The following KLC4 variants were observed in gnomAD, a reference collection of about 807,000 sequenced individuals.
The protein encoded by KLC4 is kinesin light chain 4.
In KLC4, 49 loss-of-function variants were observed where a neutral mutation model predicts 77.2. The ratio of observed to expected loss-of-function variants is 0.63; its 90% CI spans 0.50 to 0.80. KLC4 has a LOEUF of 0.80. Ranked by LOEUF, KLC4 falls within the 30% of genes least tolerant of loss-of-function variation. KLC4 has a pLI of 0.00. For synonymous variants in KLC4, 274 were observed against 314.5 expected (o/e 0.87, Z 1.36); for missense variants, 669 against 793.5 (o/e 0.84, Z 1.89).
At position 43,072,960 on chromosome 6, in the gene KLC4, C is replaced by A. The variant is rs1336975672; in HGVS notation, c.1625C>A (p.Ser542Tyr). 2.5e-6 allele frequency: 4 copies of A among 1,596,860 alleles called. No homozygotes were observed. The highest frequency in any genetic ancestry group is 1.1e-5 in the South Asian group (1 of 87,740). ...GATGCTTCTGTGGCTGTGGAGTGGT[C>A]CGGGGTAAGTCTGATCATTGCCTTT... Reference protein sequence around the residue: ...GEDASVAVEWSGDGSGTLQRS... With the variant: ...GEDASVAVEWYGDGSGTLQRS... Residue 542 changes from serine (S) to tyrosine (Y), a missense_variant, in exon 13 of 16, where the codon TCC becomes TAC. Transcript: ENST00000347162.
At chr6:43,068,219 A>G (rs1489906014) in intron 6 of KLC4, among the ~76,000 whole-genome samples, 2 of 151,970 alleles carry the variant, frequency 1.3e-5, no homozygotes, top group East Asian at 1.9e-4. Context: ...CATGCCTGTA[A>G]TCCCAGCACT....
intron 1 of KLC4, chr6:43,061,027 CT>C (rs1415664888): frequency 5.1e-6 from 2 of 388,358 alleles, no homozygotes; most frequent in African/African-American, 2.0e-5. Context: ...CTTTTTTGTT[CT>C]TTTCCTAAGT....
Position 43,062,982 on chromosome 6 carries a change from G to A in KLC4, c.324G>A (p.Gln108=), listed in dbSNP as rs149265494. 59 of 1,614,058 alleles carry A rather than the reference G, an allele frequency of 3.7e-5. No homozygotes were observed. The highest frequency in any genetic ancestry group is 3.3e-4 in the Middle Eastern group (2 of 6,084). The part of the protein sequence containing the change: ...VESEKQKLRA[Q]VRRLCQENQW... ...CGGAGAAACAGAAGCTGCGGGCTCA[G>A]GTGCGGCGGCTATGCCAGGAGAACC... is the stretch of plus-strand genomic sequence containing the variant. The change falls in exon 3 of 16, where the codon CAG becomes CAA. Residue 108 remains glutamine (Q), a synonymous_variant. Coordinates refer to ENST00000347162, the MANE Select transcript of KLC4 (RefSeq NM_201521.3).
At chr6:43,059,972 G>A (rs1161082362) in intron 1 of KLC4, 7 of 1,338,188 alleles carry the variant, frequency 5.2e-6, no homozygotes, top group Non-Finnish European at 6.7e-6. Flanking sequence ...CCTCCCCCCT[G>A]CCGCCCCCGC....
rs1299111864 is a variant in KLC4, at chr6:43,062,931, A to G, written c.273A>G (p.Leu91=). The change falls in exon 3 of 16, where the codon CTA becomes CTG. Residue 91 remains leucine (L), a synonymous_variant. Transcript: ENST00000347162. ...TGCCCACCTAGGTGATGCTGGCTCT[A>G]GCCAGCCACCTGAGCACAGTGGAGT... ...GLSEAQVMLA[L]ASHLSTVESE... The G allele has an allele frequency of 1.2e-6, 2 of 1,613,930 alleles. No homozygotes were observed. The highest frequency in any genetic ancestry group is 1.7e-6 in the Non-Finnish European group (2 of 1,179,956).
chr6:43,063,237 C>T, intron 3 of KLC4, 90 bp downstream of exon 3: 1 of 984,778 alleles, frequency 1.0e-6, no homozygotes. Context: ...CCTCAGGGTC[C>T]ATCAGCTCTA....
In KLC4 at chr6:43,072,239, TG is replaced by T; in HGVS notation, c.1473del (p.Arg492GlyfsTer36). On this transcript the variant is annotated frameshift_variant, in exon 12 of 16. Transcript: ENST00000347162. LOFTEE classifies it high-confidence loss of function. ...GCTGAGACCCTGGAGGAATGTGCCC[TG>T]CGGTCCCGGAGACAGGTCAGAAGCC... ...EAAETLEECA[L>X]RSRRQGTDPI... The T allele has an allele frequency of 6.2e-7, 1 of 1,613,848 alleles. No individual in the cohort carries two copies.
chr6:43,065,363 C>G, intron 3 of KLC4: 1 of 389,418 alleles, frequency 2.6e-6, no homozygotes, highest in Non-Finnish European at 4.8e-6. Flanking sequence ...CGTTAGCCAC[C>G]ACACCCGGCC....
chr6:43,067,184 T>C (rs1765479425), intron 6 of KLC4, 101 bp downstream of exon 6: 1 of 1,401,368 alleles, frequency 7.1e-7, no homozygotes, highest in Non-Finnish European at 9.5e-7. Context: ...GTCCACTCAC[T>C]AAGGGTGCTG....
intron 3 of KLC4, 39 bp downstream of exon 3, chr6:43,063,186 G>A: frequency 6.6e-7 from 1 of 1,512,236 alleles, no homozygotes; most frequent in African/African-American, 1.4e-5. Flanking sequence ...GGGGTGGGCA[G>A]CCGGGAGTTA....
intron 1 of KLC4, chr6:43,060,369 A>C (rs765099061): frequency 6.7e-7 from 1 of 1,487,180 alleles, no homozygotes; most frequent in Non-Finnish European, 9.1e-7. Flanking sequence ...TTGGGGAAGG[A>C]GACGGGAATT....
intron 4 of KLC4, 74 bp from the exon 5 acceptor site, chr6:43,066,232 T>C (rs1269481884): frequency 8.0e-7 from 1 of 1,244,414 alleles, no homozygotes; most frequent in Non-Finnish European, 1.2e-6. Flanking sequence ...GAACAAGACA[T>C]GCAATGGGGA....
intron 1 of KLC4, chr6:43,060,696 G>C (rs1302770214): frequency 1.1e-6 from 1 of 943,420 alleles, no homozygotes; most frequent in Non-Finnish European, 1.3e-6. Flanking sequence ...TGGGTTGAAG[G>C]TTAGTGGGAA....
chr6:43,060,822 G>C (rs1038299977), intron 1 of KLC4, among the ~76,000 whole-genome samples: 1 of 152,172 alleles, frequency 6.6e-6, no homozygotes, highest in African/African-American at 2.4e-5. Flanking sequence ...GAAGGCTCTT[G>C]TTTTCTTCTT....
Position 43,070,750 on chromosome 6 carries a change from G to A in KLC4, c.1040G>A (p.Cys347Tyr). ...AKQLNNLALL[C>Y]QNQGKYEAVE... ...CAGCTGAACAACCTGGCCCTCTTGT[G>A]CCAAAACCAGGGCAAGTATGAGGCC... is the stretch of plus-strand genomic sequence containing the variant. Residue 347 changes from cysteine (C) to tyrosine (Y), a missense_variant, in exon 8 of 16, where the codon TGC becomes TAC. Physicochemically the swap from Cys to Tyr is radical, Grantham distance 194. Coordinates refer to ENST00000347162, the MANE Select transcript of KLC4 (RefSeq NM_201521.3). 1 of 1,614,132 alleles carries A rather than the reference G, an allele frequency of 6.2e-7. No individual in the cohort carries two copies. The highest frequency in any genetic ancestry group is 8.5e-7 in the Non-Finnish European group (1 of 1,180,006).
rs1334654667 is a variant in KLC4 at position 43,066,633 on chromosome 6, G to A, written c.791+108G>A. ...ACAGGGTACCTCTCCTCCCTGTTGGGCCTCCCAGATACACCCCAACAGGGT... is the reference window on the plus strand; with the variant it reads ...ACAGGGTACCTCTCCTCCCTGTTGGACCTCCCAGATACACCCCAACAGGGT... On this transcript the variant is annotated intron_variant, in intron 5 of 15. Coordinates refer to ENST00000347162, the MANE Select transcript of KLC4 (RefSeq NM_201521.3). The A allele has an allele frequency of 1.5e-5, 14 of 945,778 alleles. No homozygotes were observed. The Admixed American group carries it at 2.9e-4, about 20-fold the overall frequency. 58.6% of individuals were successfully genotyped at this position (945,778 alleles called of 1,614,324 possible).
At position 43,071,899 on chromosome 6, in the gene KLC4, G is replaced by A; in HGVS notation, c.1356G>A (p.Trp452Ter). The change falls in exon 11 of 16, where the codon TGG becomes TGA. Residue 452 changes from tryptophan (W) to a stop codon, truncating the protein, a stop_gained. Transcript: ENST00000347162. LOFTEE classifies it high-confidence loss of function. ...GGTPYAEYGG[W>*]YKACKVSSPT... ...CACCCTATGCTGAGTATGGAGGCTGGTACAAGGCCTGCAAAGTGAGCAGGT... is the reference window on the plus strand; with the variant it reads ...CACCCTATGCTGAGTATGGAGGCTGATACAAGGCCTGCAAAGTGAGCAGGT... 1 of 1,611,652 alleles carries A rather than the reference G, an allele frequency of 6.2e-7. No homozygotes were observed. The highest frequency in any genetic ancestry group is 8.5e-7 in the Non-Finnish European group (1 of 1,179,522).
chr6:43,063,199 A>G, intron 3 of KLC4, 52 bp downstream of exon 3: 1 of 1,409,954 alleles, frequency 7.1e-7, no homozygotes. Context: ...GGGAGTTACC[A>G]CAGACATGGG....
At position 43,072,240 on chromosome 6, in the gene KLC4, G is replaced by T. The variant is rs57512910; in HGVS notation, c.1473G>T (p.Leu491=). 2,832 of 1,613,944 alleles carry T rather than the reference G, an allele frequency of 1.8e-3. 34 individuals are homozygous for T. In the African/African-American group the frequency reaches 0.028, roughly 16 times the overall value. The change falls in exon 12 of 16, where the codon CTG becomes CTT. Residue 491 remains leucine, a synonymous_variant. Transcript: ENST00000347162. ...EAAETLEECA[L]RSRRQGTDPI... is the part of the protein sequence containing the mutation. ...CTGAGACCCTGGAGGAATGTGCCCTGCGGTCCCGGAGACAGGTCAGAAGCC... is the reference window on the plus strand; with the variant it reads ...CTGAGACCCTGGAGGAATGTGCCCTTCGGTCCCGGAGACAGGTCAGAAGCC...
Sources: allele counts gnomAD v4.1 joint callset (sites outside exome capture counted in the v4.1 genomes callset), GRCh38; gene constraint gnomAD v4.1.1; transcripts MANE v1.5; gene names NCBI Gene and HGNC (gene_info 2026-07-23, HGNC 2026-07-21).